The following OGA variants were observed in gnomAD, a reference collection of about 807,000 sequenced individuals.
The protein encoded by OGA is protein O-GlcNAcase.
Under a neutral mutation model 102.0 loss-of-function variants are expected in OGA, and 21 were observed. That is an observed-to-expected ratio of 0.21 (90% CI 0.15 to 0.30). OGA has a LOEUF of 0.30. Ranked by LOEUF, OGA falls within the 10% of genes least tolerant of loss-of-function variation. The pLI, the probability that OGA is intolerant of heterozygous loss-of-function variation, is 1.00. For synonymous variants in OGA, 408 were observed against 378.2 expected, an observed-to-expected ratio of 1.08 and a Z score of -0.91; for missense variants, 765 against 1,107.8, an observed-to-expected ratio of 0.69 and a Z score of 4.39.
chr10:101,791,287 C>T (rs2065256512), intron 13 of OGA, 67 bp downstream of exon 13: 4 of 1,351,888 alleles, frequency 3.0e-6, no homozygotes, highest in Non-Finnish European at 3.1e-6. Flanking sequence ...CCAGTCATCA[C>T]CTCCCCTCAA....
chr10:101,804,485 G>C (rs2065440288), intron 6 of OGA, among the ~76,000 whole-genome samples: 1 of 152,002 alleles, frequency 6.6e-6, no homozygotes, highest in South Asian at 2.1e-4. Flanking sequence ...GTGTTAGCCA[G>C]GATGGTCTCG....
intron 1 of OGA, among the ~76,000 whole-genome samples, chr10:101,813,879 A>T (rs549912541): frequency 6.6e-6 from 1 of 152,338 alleles, no homozygotes; most frequent in Non-Finnish European, 1.5e-5. Flanking sequence ...TTTAAAACAA[A>T]CATCTATCAT....
chr10:101,802,625 C>T (rs553261187), intron 7 of OGA, among the ~76,000 whole-genome samples: 31 of 151,166 alleles, frequency 2.1e-4, no homozygotes, highest in South Asian at 6.3e-4. Context: ...GCTGAGATTG[C>T]GCCACTGCAC....
chr10:101,788,402 G>C lies in OGA; in HGVS notation c.2455-879C>G, dbSNP rs1427618422. Among the ~76,000 whole-genome samples, 27 of 142,952 alleles carry C rather than the reference G, an allele frequency of 1.9e-4. 1 individual carries two copies. In the East Asian group the frequency reaches 5.4e-3, roughly 29 times the overall value. 93.8% of individuals were successfully genotyped at this position (142,952 alleles called of 152,430 possible). ...TGCAGTAGGCTGAGATCCTGCCACCGCACTCCAGCCTGGGCGGGGAAAAAA... is the reference window on the plus strand; with the variant it reads ...TGCAGTAGGCTGAGATCCTGCCACCCCACTCCAGCCTGGGCGGGGAAAAAA... On this transcript the variant is annotated intron_variant, in intron 14 of 15. Coordinates refer to ENST00000361464, the MANE Select transcript of OGA (RefSeq NM_012215.5).
Position 101,794,011 on chromosome 10 carries a change from G to C in OGA, c.1985-13C>G. On this transcript the variant is annotated splice_polypyrimidine_tract_variant and intron_variant, in intron 10 of 15. Transcript: ENST00000361464. ...TGACTACGACACCCTGTTGAGATCA[G>C]ATCCAAGCGGAGAACGTTACGAGAA... The C allele has an allele frequency of 3.8e-6, 6 of 1,593,690 alleles. No individual in the cohort carries two copies. Among genetic ancestry groups the C allele is most frequent in the Non-Finnish European group, 5.2e-6 (6 of 1,162,952 alleles).
rs2065254255 is a variant in OGA, at chr10:101,790,929, C to T, written c.2421G>A (p.Lys807=). The change falls in exon 14 of 16, where the codon AAG becomes AAA. Residue 807 remains lysine, a synonymous_variant. Transcript: ENST00000361464. ...WIPFMQEKYT[K]PNGDKELSEA... is the part of the protein sequence containing the mutation. The stretch of plus-strand genomic sequence containing the variant: ...CAGAGAGTTCCTTGTCACCATTTGG[C>T]TTGGTATACTTCTCCTGCATGAAGG... 6.2e-7 allele frequency: 1 copy of T among 1,612,678 alleles called. No individual in the cohort carries two copies. Among genetic ancestry groups the T allele is most frequent in the Non-Finnish European group, 8.5e-7 (1 of 1,179,174 alleles).
At chr10:101,798,211 GAC>G (rs1431441649) in intron 9 of OGA, 57 bp from the exon 10 acceptor site, 1 of 1,535,548 alleles carries the variant, frequency 6.5e-7, no homozygotes, top group Non-Finnish European at 8.9e-7. Context: ...AATAATCTGA[GAC>G]ACAGTTACAC....
rs747940393 is a variant in OGA, at chr10:101,813,619, T to C, written c.200-13A>G. The C allele has an allele frequency of 6.0e-6, 9 of 1,507,456 alleles. No homozygotes were observed. Among genetic ancestry groups the C allele is most frequent in the Non-Finnish European group, 8.2e-6 (9 of 1,094,712 alleles). The allele number at this position is 1,507,456 out of a possible 1,614,324, so 93.4% of individuals were successfully genotyped here. A position where few individuals can be genotyped will look rare whatever the true frequency, so the allele number is the denominator to read the frequency against. On this transcript the variant is annotated splice_polypyrimidine_tract_variant and intron_variant, in intron 1 of 15. Coordinates refer to ENST00000361464, the MANE Select transcript of OGA (RefSeq NM_012215.5). ...CTTCCATAAAATCCTAGATTCAAAG[T>C]AAGAATGAAATTATATTCAGTTTTA...
chr10:101,806,082 A>G lies in OGA; in HGVS notation c.714T>C (p.Gly238=). The change falls in exon 6 of 16, where the codon GGT becomes GGC. Residue 238 remains glycine (G), a synonymous_variant. Transcript: ENST00000361464. ...CTTCAATTCCAGGTAGAAGCTTTTC[A>G]CCCACAGTCCTTAAATATGGAGACT... ...VSQSPYLRTV[G]EKLLPGIEVL... is the part of the protein sequence containing the mutation. 6.2e-7 allele frequency: 1 copy of G among 1,612,292 alleles called. No homozygotes were observed. The highest frequency in any genetic ancestry group is 8.5e-7 in the Non-Finnish European group (1 of 1,178,278).
chr10:101,812,992 A>C (rs1231814321), intron 3 of OGA, 38 bp downstream of exon 3: 1 of 1,415,730 alleles, frequency 7.1e-7, no homozygotes, highest in Non-Finnish European at 9.9e-7. Flanking sequence ...CGTTTTCTTC[A>C]CAGATTTTGA....
intron 7 of OGA, 70 bp from the exon 8 acceptor site, chr10:101,800,470 A>G: frequency 8.4e-7 from 1 of 1,195,932 alleles, no homozygotes; most frequent in Non-Finnish European, 1.2e-6. Context: ...AGTGAGAAGA[A>G]TAAATGCAAC....
chr10:101,802,683 A>C (rs755827690), intron 7 of OGA, among the ~76,000 whole-genome samples: 1 of 151,906 alleles, frequency 6.6e-6, no homozygotes, highest in Non-Finnish European at 1.5e-5. Flanking sequence ...AAGAAAAAAA[A>C]AAAACTACTT....
At chr10:101,791,311 A>C in intron 13 of OGA, 43 bp downstream of exon 13, 1 of 1,496,206 alleles carries the variant, frequency 6.7e-7, no homozygotes, top group Non-Finnish European at 9.3e-7. Context: ...GATAAGCCTC[A>C]CTATGAAAGG....
chr10:101,817,774 G>A (rs977455506), intron 1 of OGA, 50 bp downstream of exon 1: 4 of 1,528,458 alleles, frequency 2.6e-6, no homozygotes, highest in Non-Finnish European at 2.6e-6. Flanking sequence ...CCCTCCTCCC[G>A]AGGACAGAAC....
rs780989018 is a variant in OGA, at chr10:101,817,938, G to C, written c.85C>G (p.Leu29Val). The change falls in exon 1 of 16, where the codon CTG (leucine) becomes GTG (valine). Residue 29 changes from leucine to valine, a missense_variant. Physicochemically the swap from Leu to Val is conservative, Grantham distance 32 (BLOSUM62 1). Transcript: ENST00000361464. ...GGTGCCGGAGCTGCCGGCGGCTCCA[G>C]CGATGCCCCCGCAGAGGCGGCAGGG... ...SNPAASAGAS[L>V]EPPAAPAPGE... 1 of 1,593,378 alleles carries C rather than the reference G, an allele frequency of 6.3e-7. No homozygotes were observed. The highest frequency in any genetic ancestry group is 1.7e-5 in the Admixed American group (1 of 58,412).
intron 6 of OGA, among the ~76,000 whole-genome samples, chr10:101,804,764 A>G (rs2065445083): frequency 6.7e-6 from 1 of 150,136 alleles, no homozygotes; most frequent in Non-Finnish European, 1.5e-5. Flanking sequence ...GTAATTTAAA[A>G]TTTTTTTGTA....
chr10:101,800,114 C>A, intron 8 of OGA, 128 bp downstream of exon 8: 2 of 978,510 alleles, frequency 2.0e-6, no homozygotes, highest in East Asian at 2.5e-5. Context: ...CTCAGGTGAT[C>A]CGCCTGCCTC....
intron 11 of OGA, among the ~76,000 whole-genome samples, 171 bp from the exon 12 acceptor site, chr10:101,793,114 G>C (rs1389918958): frequency 6.6e-6 from 1 of 152,162 alleles, no homozygotes; most frequent in African/African-American, 2.4e-5. Flanking sequence ...TGGGGGAGGG[G>C]AGTGCTTCTG....
chr10:101,796,187 T>C (rs2065313919), intron 10 of OGA, among the ~76,000 whole-genome samples: 1 of 152,162 alleles, frequency 6.6e-6, no homozygotes, highest in South Asian at 2.1e-4. Flanking sequence ...AAGGCAAATG[T>C]TGTCATCCAG....
Sources: gnomAD v4.1 joint callset for allele counts (sites outside exome capture counted in the v4.1 genomes callset) on GRCh38, gnomAD v4.1.1 for gene constraint, MANE v1.5 for transcripts, NCBI Gene and HGNC (gene_info 2026-07-23, HGNC 2026-07-21) for gene names.